The following ELFN2 variants were observed in gnomAD, a reference collection of about 807,000 sequenced individuals.
ELFN2 encodes protein phosphatase 1 regulatory subunit 29.
ELFN2 carries 17 observed loss-of-function variants against 45.5 expected under a neutral mutation model. The observed-to-expected ratio is 0.37, with a 90% CI of 0.26 to 0.56. ELFN2 has a LOEUF of 0.56. ELFN2 is among the 20% of genes least tolerant of loss of function. The probability of loss-of-function intolerance (pLI) is 0.77; values close to 1 mark genes in which losing one functional copy is unlikely to be tolerated. For missense variants in ELFN2, 922 were observed against 1,183.2 expected (o/e 0.78, Z 3.24); for synonymous variants, 550 against 551.5 (o/e 1.00, Z 0.04).
chr22:37,374,224 G>A lies in ELFN2; in HGVS notation c.1311C>T (p.Thr437=). The A allele has an allele frequency of 6.2e-7, 1 of 1,613,906 alleles. No homozygotes were observed. The highest frequency in any genetic ancestry group is 8.5e-7 in the Non-Finnish European group (1 of 1,180,038). The part of the protein sequence containing the change: ...EKQKSVNVKK[T]ILEMRYGADV... ...CAGCCCCGTAGCGCATCTCCAGGAT[G>A]GTCTTCTTGACGTTGACAGACTTCT... The change falls in exon 3 of 3, where the codon ACC becomes ACT. Residue 437 remains threonine, a synonymous_variant. Coordinates refer to ENST00000402918, the MANE Select transcript of ELFN2 (RefSeq NM_052906.5).
intron 1 of ELFN2, among the ~76,000 whole-genome samples, chr22:37,343,297 C>G (rs1400296726): frequency 6.6e-6 from 1 of 152,140 alleles, no homozygotes; most frequent in Non-Finnish European, 1.5e-5. Context: ...CTCCCTGCTC[C>G]CCCGCCCCTA....
chr22:37,374,789 G>A lies in ELFN2; in HGVS notation c.746C>T (p.Ser249Leu), dbSNP rs377398519. The A allele has an allele frequency of 7.1e-5, 114 of 1,607,088 alleles. 1 individual carries two copies. The highest frequency in any genetic ancestry group is 7.4e-5 in the Non-Finnish European group (87 of 1,179,208). Residue 249 changes from serine (S) to leucine (L), a missense_variant, in exon 3 of 3, where the codon TCG becomes TTG. This residue lies in a region of ELFN2 where 358 missense variants were observed against 540.4 expected (regional missense o/e 0.66). Coordinates refer to ENST00000402918, the MANE Select transcript of ELFN2 (RefSeq NM_052906.5). ...TVLQAKCRNG[S>L]LPARPVSHPT... ...GTGGCTCACGGGCCGGGCGGGCAGC[G>A]AGCCATTCCGACACTTGGCCTGGAG...
chr22:37,364,391 AAG>A (rs1289878019), downstream of ELFN2, among the ~76,000 whole-genome samples: 2 of 152,168 alleles, frequency 1.3e-5, no homozygotes, highest in Non-Finnish European at 2.9e-5. Context: ...GGTGCAGAGC[AAG>A]AGAGAGACTG....
Position 37,374,805 on chromosome 22 carries a change from T to C in ELFN2, c.730A>G (p.Lys244Glu). ...SLNAITVLQAKCRNGSLPARP... is the reference protein window; with the variant it reads ...SLNAITVLQAECRNGSLPARP... ...GCGGGCAGCGAGCCATTCCGACACTTGGCCTGGAGTACGGTGATGGCGTTG... is the reference window on the plus strand; with the variant it reads ...GCGGGCAGCGAGCCATTCCGACACTCGGCCTGGAGTACGGTGATGGCGTTG... Residue 244 changes from lysine (K) to glutamate (E), a missense_variant, in exon 3 of 3, where the codon AAG becomes GAG. By Grantham distance (56) the Lys-to-Glu change is moderately conservative. Transcript: ENST00000402918. 1 of 1,607,352 alleles carries C rather than the reference T, an allele frequency of 6.2e-7. No homozygotes were observed. The highest frequency in any genetic ancestry group is 8.5e-7 in the Non-Finnish European group (1 of 1,179,460).
intron 1 of ELFN2, among the ~76,000 whole-genome samples, chr22:37,359,106 C>CTG (rs1931018566): frequency 6.6e-6 from 1 of 152,154 alleles, no homozygotes; most frequent in African/African-American, 2.4e-5. Flanking sequence ...CACTTTAGCA[C>CTG]CTCCGTGACT....
chr22:37,425,728 C>T (rs1272919494), intron 1 of ELFN2, among the ~76,000 whole-genome samples: 4 of 152,166 alleles, frequency 2.6e-5, no homozygotes, highest in South Asian at 2.1e-4. Context: ...GCAGGGCCCC[C>T]GGCTCATCAG....
intron 2 of ELFN2, among the ~76,000 whole-genome samples, chr22:37,380,789 G>A (rs1390187976): frequency 6.6e-6 from 1 of 152,176 alleles, no homozygotes; most frequent in East Asian, 1.9e-4. Context: ...CAGGAACTCT[G>A]CCCTCAGGGA....
intron 1 of ELFN2, among the ~76,000 whole-genome samples, chr22:37,345,582 C>T (rs953684385): frequency 4.8e-5 from 7 of 144,388 alleles, no homozygotes; most frequent in Non-Finnish European, 9.0e-5. Context: ...AAGTCTCACT[C>T]TGTCACCCAG....
intron 2 of ELFN2, among the ~76,000 whole-genome samples, chr22:37,382,084 C>T (rs1931799907): frequency 6.6e-6 from 1 of 151,660 alleles, no homozygotes. Context: ...AGTTTCACGG[C>T]CGTCCTTATG....
rs5756642 is a variant in ELFN2, at chr22:37,351,966, T to C, written n.149-9263A>G. Among the ~76,000 whole-genome samples the C allele has an allele frequency of 4.0e-5, 6 of 151,062 alleles. No homozygotes were observed. The East Asian group carries it at 1.2e-3, about 29-fold the overall frequency. The stretch of plus-strand genomic sequence containing the variant: ...GCGCCTGCCTGGCCCCCGAGTAGAC[T>C]GGGCTGCCCAACTCGGAGCTGGCAG... On this transcript the variant is annotated intron_variant and non_coding_transcript_variant, in intron 1 of 2. Transcript: ENST00000452946.
At position 37,373,278 on chromosome 22, in the gene ELFN2, A is replaced by C. The variant is rs538457470; in HGVS notation, c.2257T>G (p.Ser753Ala). 1 of 1,613,610 alleles carries C rather than the reference A, an allele frequency of 6.2e-7. No homozygotes were observed. Among genetic ancestry groups the C allele is most frequent in the South Asian group, 1.1e-5 (1 of 91,064 alleles). Residue 753 changes from serine (S) to alanine (A), a missense_variant, in exon 3 of 3, where the codon TCA (serine) becomes GCA (alanine). By Grantham distance (99) the Ser-to-Ala change is moderately conservative. Around this residue, in one of 2 missense-constraint regions of ELFN2, gnomAD observed 564 missense variants for 642.8 expected, o/e 0.88. Coordinates refer to ENST00000402918, the MANE Select transcript of ELFN2 (RefSeq NM_052906.5). The part of the protein sequence containing the change: ...YSQLSPRHYY[S>A]GYSSSPEYSS... ...TACTCGGGGCTGGAGGAGTACCCTG[A>C]GTAGTAGTGTCTGGGGGAGAGCTGC... is the stretch of plus-strand genomic sequence containing the variant.
At chr22:37,352,650 C>T (rs12170003) in intron 1 of ELFN2, among the ~76,000 whole-genome samples, 3,657 of 150,458 alleles carry the variant, frequency 0.024, 268 homozygotes, top group Non-Finnish European at 0.034. Context: ...ATGGAGGCGG[C>T]GGTAAGTGCA....
intron 2 of ELFN2, among the ~76,000 whole-genome samples, chr22:37,392,540 G>C (rs978334857): frequency 5.3e-5 from 8 of 152,042 alleles, no homozygotes; most frequent in East Asian, 1.9e-4. Context: ...GGATGGTCTC[G>C]ATCTCCTGAC....
At chr22:37,377,388 G>T (rs1259152556) in intron 2 of ELFN2, among the ~76,000 whole-genome samples, 1 of 152,172 alleles carries the variant, frequency 6.6e-6, no homozygotes, top group Non-Finnish European at 1.5e-5. Context: ...AGAAATCCAC[G>T]TTTGGACACA....
chr22:37,362,583 G>C (rs1429791572), intron 1 of ELFN2, among the ~76,000 whole-genome samples: 1 of 152,220 alleles, frequency 6.6e-6, no homozygotes, highest in Non-Finnish European at 1.5e-5. Flanking sequence ...TGCCCGATCT[G>C]GGACTCGGGT....
At position 37,374,575 on chromosome 22, in the gene ELFN2, G is replaced by A; in HGVS notation, c.960C>T (p.Ser320=). The part of the protein sequence containing the change: ...TLVVIIPHPY[S]KMYILVQYNN... ...TGTACTGCACGAGGATGTACATCTT[G>A]CTGTAGGGGTGTGGGATGATGACCA... The change falls in exon 3 of 3, where the codon AGC becomes AGT. Residue 320 remains serine (S), a synonymous_variant. Transcript: ENST00000402918. 6.2e-7 allele frequency: 1 copy of A among 1,614,274 alleles called. No homozygotes were observed. Among genetic ancestry groups the A allele is most frequent in the Non-Finnish European group, 8.5e-7 (1 of 1,180,046 alleles).
chr22:37,359,800 G>A (rs533132526), intron 1 of ELFN2, among the ~76,000 whole-genome samples: 49 of 152,170 alleles, frequency 3.2e-4, no homozygotes, highest in African/African-American at 1.1e-3. Flanking sequence ...TGAGCTGGTG[G>A]TGGAAGAAAC....
chr22:37,374,491 C>G lies in ELFN2; in HGVS notation c.1044G>C (p.Leu348=), dbSNP rs1286029733. 1 of 1,614,132 alleles carries G rather than the reference C, an allele frequency of 6.2e-7. No homozygotes were observed. The highest frequency in any genetic ancestry group is 1.3e-5 in the African/African-American group (1 of 74,954). Residue 348 remains leucine (L), a synonymous_variant, in exon 3 of 3, where the codon CTG becomes CTC. Coordinates refer to ENST00000402918, the MANE Select transcript of ELFN2 (RefSeq NM_052906.5). ...TLKNKKEIVT[L]DKLRAHTEYT... is the part of the protein sequence containing the mutation. ...ACTCAGTGTGCGCCCGCAGTTTGTC[C>G]AGCGTCACGATCTCCTTCTTGTTCT...
intron 2 of ELFN2, among the ~76,000 whole-genome samples, chr22:37,398,074 G>C (rs1932264765): frequency 6.6e-6 from 1 of 152,126 alleles, no homozygotes; most frequent in Non-Finnish European, 1.5e-5. Context: ...GTGGATTATT[G>C]CATCTAATCC....
Sources: gnomAD v4.1 joint callset for allele counts (sites outside exome capture counted in the v4.1 genomes callset) on GRCh38, gnomAD v4.1.1 for gene constraint, gnomAD v4.1.1 regional missense constraint, MANE v1.5 for transcripts, NCBI Gene and HGNC (gene_info 2026-07-23, HGNC 2026-07-21) for gene names.